Variants in ATP10A observed in about 807,000 individuals in gnomAD.
ATP10A encodes the protein phospholipid-transporting ATPase VA.
A neutral mutation model predicts 147.8 loss-of-function variants in ATP10A; 111 were observed. That is an observed-to-expected ratio of 0.75 (90% CI 0.64 to 0.88). The LOEUF (loss-of-function observed/expected upper bound fraction) is 0.88. ATP10A is among the 40% of genes least tolerant of loss of function. ATP10A has a pLI of 0.00. For synonymous variants in ATP10A, 875 were observed against 841.6 expected, an observed-to-expected ratio of 1.04 and a Z score of -0.69; for missense variants, 1,927 against 1,959.0, an observed-to-expected ratio of 0.98 and a Z score of 0.31.
chr15:25,733,128 A>G (rs1441927163), intron 3 of ATP10A, among the ~76,000 whole-genome samples: 1 of 152,158 alleles, frequency 6.6e-6, no homozygotes, highest in East Asian at 1.9e-4. Flanking sequence ...TCCTAAAAGA[A>G]GCAAATCTGC....
At chr15:25,784,878 C>T (rs1384667740) in intron 1 of ATP10A, among the ~76,000 whole-genome samples, 30 of 151,036 alleles carry the variant, frequency 2.0e-4, no homozygotes, top group African/African-American at 7.1e-4. Context: ...GCCGAGATCG[C>T]GCCACTGCAC....
chr15:25,800,675 T>C (rs1890896856), intron 1 of ATP10A, among the ~76,000 whole-genome samples: 1 of 152,262 alleles, frequency 6.6e-6, no homozygotes, highest in Non-Finnish European at 1.5e-5. Flanking sequence ...ACACGAACAC[T>C]TGAAGATGTT....
chr15:25,732,930 A>G (rs1887030163), intron 3 of ATP10A, among the ~76,000 whole-genome samples: 1 of 152,110 alleles, frequency 6.6e-6, no homozygotes, highest in African/African-American at 2.4e-5. Flanking sequence ...TGAGGTTGAC[A>G]GGCAGTCGAT....
chr15:25,822,439 C>T (rs11630331), intron 1 of ATP10A, among the ~76,000 whole-genome samples: 24,335 of 152,106 alleles, frequency 0.16, 2,122 homozygotes, highest in Middle Eastern at 0.29. Flanking sequence ...CTATGCTTTG[C>T]CCTCCCATTT....
At chr15:25,704,716 G>A (rs910166821) in intron 12 of ATP10A, among the ~76,000 whole-genome samples, 1 of 152,352 alleles carries the variant, frequency 6.6e-6, no homozygotes, top group Non-Finnish European at 1.5e-5. Flanking sequence ...ACATGGCAGA[G>A]GAAAGAGTAC....
In ATP10A at chr15:25,702,107, A is replaced by C. The variant is rs1171164949; in HGVS notation, c.2576-7T>G. On this transcript the variant is annotated splice_region_variant and splice_polypyrimidine_tract_variant and intron_variant, in intron 12 of 20. Coordinates refer to ENST00000555815, the MANE Select transcript of ATP10A (RefSeq NM_024490.4). ...TCTTCAATCCCAGTGGCACCTGGTC[A>C]AATGCACAGCAGTGTGAGCGAACCC... 1 of 1,609,026 alleles carries C rather than the reference A, an allele frequency of 6.2e-7. No individual in the cohort carries two copies. The highest frequency in any genetic ancestry group is 1.3e-5 in the African/African-American group (1 of 74,972).
chr15:25,777,332 G>A (rs751347833), intron 2 of ATP10A, among the ~76,000 whole-genome samples: 5 of 152,114 alleles, frequency 3.3e-5, no homozygotes, highest in Admixed American at 6.5e-5. Flanking sequence ...CCACTGCAGC[G>A]AGGGCCTGGC....
chr15:25,714,825 T>C (rs1184191889), intron 9 of ATP10A, among the ~76,000 whole-genome samples: 2 of 152,100 alleles, frequency 1.3e-5, no homozygotes, highest in Non-Finnish European at 2.9e-5. Flanking sequence ...ATTATGTCTA[T>C]AAAAATTTAA....
intron 1 of ATP10A, among the ~76,000 whole-genome samples, chr15:25,858,781 C>T (rs1036591843): frequency 2.6e-5 from 4 of 152,024 alleles, no homozygotes; most frequent in African/African-American, 4.8e-5. Context: ...AAGTCGCCTC[C>T]GGTTATTTCC....
At chr15:25,672,701 G>C (rs1899066307), downstream of ATP10A, among the ~76,000 whole-genome samples, 1 of 152,128 alleles carries the variant, frequency 6.6e-6, no homozygotes, top group Non-Finnish European at 1.5e-5. Flanking sequence ...GGGGTGAGGT[G>C]CTATCTCACT....
At chr15:25,799,575 A>T (rs901566739) in intron 1 of ATP10A, among the ~76,000 whole-genome samples, 2 of 152,166 alleles carry the variant, frequency 1.3e-5, no homozygotes, top group African/African-American at 4.8e-5. Context: ...TTCCACAAAG[A>T]AATAAAATTC....
At chr15:25,803,209 T>A (rs1283244811) in intron 1 of ATP10A, among the ~76,000 whole-genome samples, 1 of 152,200 alleles carries the variant, frequency 6.6e-6, no homozygotes, top group Non-Finnish European at 1.5e-5. Context: ...TGCTGGTGCC[T>A]CCTTCCCTGT....
At chr15:25,842,270 T>C (rs1892842064) in intron 1 of ATP10A, among the ~76,000 whole-genome samples, 5 of 152,182 alleles carry the variant, frequency 3.3e-5, no homozygotes. Context: ...CTATACCTGT[T>C]GGCGGTTCTG....
chr15:25,804,294 TGA>T (rs1474890734), intron 1 of ATP10A, among the ~76,000 whole-genome samples: 2 of 150,180 alleles, frequency 1.3e-5, no homozygotes, highest in East Asian at 2.0e-4. Flanking sequence ...GTGTGGTGTG[TGA>T]GTGTTCGTGT....
intron 5 of ATP10A, among the ~76,000 whole-genome samples, chr15:25,724,827 T>C (rs1410274949): frequency 6.6e-6 from 1 of 152,226 alleles, no homozygotes; most frequent in Non-Finnish European, 1.5e-5. Flanking sequence ...TCTCAGTATC[T>C]GTGGGTTCCA....
chr15:25,724,127 C>T (rs1371263223), intron 5 of ATP10A, 106 bp from the exon 6 acceptor site: 12 of 1,237,134 alleles, frequency 9.7e-6, no homozygotes, highest in African/African-American at 1.6e-5. Flanking sequence ...GATGCAAGCA[C>T]ATTTGGTTTT....
At chr15:25,841,624 G>A (rs199655877) in intron 1 of ATP10A, 6 of 149,906 alleles carry the variant, frequency 4.0e-5, no homozygotes, top group Non-Finnish European at 4.4e-5. Context: ...TAGGAGTTAC[G>A]TTAAATCTAT....
At chr15:25,725,782 A>AT (rs112785287) in intron 5 of ATP10A, among the ~76,000 whole-genome samples, 169 bp downstream of exon 5, 4,140 of 151,296 alleles carry the variant, frequency 0.027, 84 homozygotes, top group African/African-American at 0.047. Flanking sequence ...CTACAGGCAC[A>AT]TTTTTTTTGT....
At chr15:25,695,211 G>A in intron 13 of ATP10A, 65 bp from the exon 14 acceptor site, 1 of 1,452,028 alleles carries the variant, frequency 6.9e-7, no homozygotes, top group East Asian at 2.3e-5. Context: ...CCCCGCCCTG[G>A]CTCAACACCT....
Sources: allele counts gnomAD v4.1 joint callset (sites outside exome capture counted in the v4.1 genomes callset), GRCh38; gene constraint gnomAD v4.1.1; transcripts MANE v1.5; gene names NCBI Gene and HGNC (gene_info 2026-07-23, HGNC 2026-07-21).